MAML3: variants seen among roughly 807,000 people sequenced by gnomAD.
MAML3 encodes the protein mastermind like transcriptional coactivator 3.
MAML3 carries 27 observed loss-of-function variants against 101.9 expected under a neutral mutation model. The observed-to-expected ratio is 0.27, with a 90% CI of 0.20 to 0.37. The LOEUF (loss-of-function observed/expected upper bound fraction) is 0.37, where lower values mean the gene tolerates loss of function less well. MAML3 is among the 10% of genes least tolerant of loss of function. The probability of loss-of-function intolerance (pLI) is 1.00; values close to 1 mark genes in which losing one functional copy is unlikely to be tolerated. For missense variants in MAML3, 1,316 were observed against 1,444.9 expected, an observed-to-expected ratio of 0.91 and a Z score of 1.45; for synonymous variants, 501 against 555.9, an observed-to-expected ratio of 0.90 and a Z score of 1.39.
At chr4:140,082,098 A>G (rs1727868726) in intron 1 of MAML3, among the ~76,000 whole-genome samples, 1 of 152,212 alleles carries the variant, frequency 6.6e-6, no homozygotes, top group Non-Finnish European at 1.5e-5. Context: ...TAGCAGACCA[A>G]TAAGATCTGC....
chr4:139,947,684 C>T (rs950984522), intron 1 of MAML3, among the ~76,000 whole-genome samples: 3 of 152,182 alleles, frequency 2.0e-5, no homozygotes, highest in Admixed American at 6.5e-5. Flanking sequence ...TAGCTACCTG[C>T]TGTGATCCTG....
At chr4:139,861,981 G>C (rs1407551059) in intron 2 of MAML3, among the ~76,000 whole-genome samples, 1 of 152,074 alleles carries the variant, frequency 6.6e-6, no homozygotes, top group Non-Finnish European at 1.5e-5. Context: ...GGCTGAGGGG[G>C]GTGGACCACC....
rs1323638059 is a variant in MAML3, at chr4:139,718,336, G to T, written c.*987C>A. On this transcript the variant is annotated 3_prime_UTR_variant, in exon 5 of 5. Coordinates refer to ENST00000509479, the MANE Select transcript of MAML3 (RefSeq NM_018717.5). ...TGCATTTATGTGGACTCTGCCCAAG[G>T]CTCCCTAAAGACATAAGCTTCACTT... 1 of 152,192 alleles carries T rather than the reference G, an allele frequency of 6.6e-6. No individual in the cohort carries two copies. The highest frequency in any genetic ancestry group is 2.4e-5 in the African/African-American group (1 of 41,426). 9.4% of individuals were successfully genotyped at this position (152,192 alleles called of 1,614,324 possible). A position where few individuals can be genotyped will look rare whatever the true frequency, so the allele number is the denominator to read the frequency against.
At chr4:140,127,866 G>T (rs533558456) in intron 1 of MAML3, 1 of 152,164 alleles carries the variant, frequency 6.6e-6, no homozygotes, top group East Asian at 1.9e-4. Flanking sequence ...TCACCAGAAC[G>T]CAAGCCAAAC....
intron 1 of MAML3, among the ~76,000 whole-genome samples, chr4:140,070,702 A>G (rs1476789501): frequency 2.0e-5 from 3 of 152,230 alleles, no homozygotes; most frequent in Non-Finnish European, 4.4e-5. Flanking sequence ...CAGTGGACAA[A>G]TGCCTTCAGA....
chr4:139,982,561 A>G, intron 1 of MAML3, among the ~76,000 whole-genome samples: 1 of 152,116 alleles, frequency 6.6e-6, no homozygotes, highest in African/African-American at 2.4e-5. Flanking sequence ...ATGCTAACCT[A>G]CCACATAGGT....
At chr4:140,042,792 T>C (rs1014982550) in intron 1 of MAML3, among the ~76,000 whole-genome samples, 7 of 152,134 alleles carry the variant, frequency 4.6e-5, no homozygotes, top group African/African-American at 1.4e-4. Flanking sequence ...GTGGGCCCCA[T>C]GTTGCTTACT....
chr4:140,109,734 A>G (rs917285351), intron 1 of MAML3, among the ~76,000 whole-genome samples: 6 of 152,196 alleles, frequency 3.9e-5, no homozygotes, highest in Admixed American at 6.5e-5. Context: ...CAATGCCTCT[A>G]ACATATTTTC....
intron 2 of MAML3, among the ~76,000 whole-genome samples, chr4:139,833,117 C>G (rs73854383): frequency 0.021 from 3,202 of 152,274 alleles, 107 homozygotes; most frequent in African/African-American, 0.071. Context: ...CTCTTCGTCA[C>G]GTCACCAGCA....
intron 1 of MAML3, among the ~76,000 whole-genome samples, chr4:139,989,728 T>C (rs1012685424): frequency 3.3e-5 from 5 of 152,030 alleles, no homozygotes; most frequent in African/African-American, 1.2e-4. Flanking sequence ...CTTTAAAGGA[T>C]TGGATAGCAG....
intron 1 of MAML3, among the ~76,000 whole-genome samples, chr4:140,005,291 A>C (rs907528586): frequency 1.1e-4 from 17 of 152,240 alleles, no homozygotes; most frequent in African/African-American, 3.6e-4. Flanking sequence ...TTTGACAAAT[A>C]ATATGCATAA....
chr4:139,925,047 G>T (rs976395593), intron 1 of MAML3, among the ~76,000 whole-genome samples: 1 of 151,936 alleles, frequency 6.6e-6, no homozygotes, highest in African/African-American at 2.4e-5. Context: ...CATGATTTCA[G>T]CTTCCTTTAG....
intron 1 of MAML3, among the ~76,000 whole-genome samples, chr4:140,074,518 C>T (rs937727317): frequency 6.6e-6 from 1 of 152,160 alleles, no homozygotes; most frequent in African/African-American, 2.4e-5. Flanking sequence ...TGATGCCCCA[C>T]GTGGAAAATT....
intron 2 of MAML3, among the ~76,000 whole-genome samples, chr4:139,790,403 A>C (rs1250545653): frequency 6.6e-6 from 1 of 151,604 alleles, no homozygotes; most frequent in African/African-American, 2.4e-5. Flanking sequence ...AACATACATA[A>C]CATAGGTACT....
intron 2 of MAML3, among the ~76,000 whole-genome samples, chr4:139,806,828 A>T (rs1730708464): frequency 6.6e-6 from 1 of 152,194 alleles, no homozygotes; most frequent in African/African-American, 2.4e-5. Context: ...TACAAAACCA[A>T]ATGCTGTTGG....
chr4:139,966,191 T>C (rs986735961), intron 1 of MAML3, among the ~76,000 whole-genome samples: 2 of 152,204 alleles, frequency 1.3e-5, no homozygotes, highest in African/African-American at 4.8e-5. Context: ...CTTGCTTTCA[T>C]TGTATTCACT....
intron 1 of MAML3, among the ~76,000 whole-genome samples, chr4:140,124,452 G>C (rs1033499598): frequency 9.9e-5 from 15 of 152,132 alleles, no homozygotes; most frequent in African/African-American, 3.4e-4. Flanking sequence ...AGAGTTTCTA[G>C]GAGGGAAACA....
In MAML3 at chr4:139,718,507, G is replaced by A. The variant is rs571205029; in HGVS notation, c.*816C>T. 6.6e-6 allele frequency: 1 copy of A among 152,440 alleles called. No individual in the cohort carries two copies. The highest frequency in any genetic ancestry group is 2.1e-4 in the South Asian group (1 of 4,820). The allele number at this position is 152,440 out of a possible 1,614,324, so 9.4% of individuals were successfully genotyped here. ...TGCCCTGCGGCCGCCAGAAGTAGAT[G>A]TGACCCACCTGGATGTATGGGTTTT... On this transcript the variant is annotated 3_prime_UTR_variant, in exon 5 of 5. Coordinates refer to ENST00000509479, the MANE Select transcript of MAML3 (RefSeq NM_018717.5).
In MAML3 at chr4:140,027,437, A is replaced by C. The variant is rs183722736; in HGVS notation, c.468+125423T>G. ...CTGAGATGCTTTAACTCATCTTTTA[A>C]TCACCTACAGTGCCTGGGATCGTGC... On this transcript the variant is annotated intron_variant, in intron 1 of 4. Transcript: ENST00000509479. Among the ~76,000 whole-genome samples the C allele has an allele frequency of 3.4e-3, 517 of 152,250 alleles. 1 individual carries two copies. The highest frequency in any genetic ancestry group is 5.7e-3 in the Non-Finnish European group (389 of 68,016).
Sources: allele counts gnomAD v4.1 joint callset (sites outside exome capture counted in the v4.1 genomes callset), GRCh38; gene constraint gnomAD v4.1.1; transcripts MANE v1.5; gene names NCBI Gene and HGNC (gene_info 2026-07-23, HGNC 2026-07-21).